EMC2: variants seen among roughly 807,000 people sequenced by gnomAD.
EMC2 encodes TPR repeat protein 35.
Under a neutral mutation model 51.6 loss-of-function variants are expected in EMC2, and 37 were observed. That is an observed-to-expected ratio of 0.72 (90% confidence interval 0.55 to 0.94). The LOEUF is 0.94. Among genes scored for constraint, EMC2 ranks in the 40% least tolerant of loss-of-function variants. The pLI, the probability that EMC2 is intolerant of heterozygous loss-of-function variation, is 0.00. For missense variants in EMC2, 359 were observed against 350.9 expected (o/e 1.02, Z -0.18); for synonymous variants, 131 against 112.4 (o/e 1.17, Z -1.04).
At chr8:108,455,230 G>A (rs140288971) in intron 4 of EMC2, among the ~76,000 whole-genome samples, 1 of 151,862 alleles carries the variant, frequency 6.6e-6, no homozygotes, top group East Asian at 1.9e-4. Context: ...ACACTTCTTG[G>A]ATATTGTGTT....
At chr8:108,461,715 T>C (rs1368101558) in intron 5 of EMC2, among the ~76,000 whole-genome samples, 1 of 152,160 alleles carries the variant, frequency 6.6e-6, no homozygotes, top group Non-Finnish European at 1.5e-5. Context: ...TGAAATACTC[T>C]ATTGAGAAAG....
At chr8:108,446,791 A>C (rs989548290) in intron 1 of EMC2, among the ~76,000 whole-genome samples, 5 of 152,218 alleles carry the variant, frequency 3.3e-5, no homozygotes, top group African/African-American at 1.2e-4. Context: ...AGGCATTTCT[A>C]AAAGTAGTAT....
chr8:108,443,734 A>C, intron 1 of EMC2, 36 bp downstream of exon 1: 1 of 1,571,700 alleles, frequency 6.4e-7, no homozygotes, highest in Non-Finnish European at 8.7e-7. Context: ...GAAAGACTAA[A>C]AGCGCTGGGA....
chr8:108,482,443 G>T (rs531174081), intron 10 of EMC2, among the ~76,000 whole-genome samples: 2 of 151,998 alleles, frequency 1.3e-5, no homozygotes, highest in Non-Finnish European at 2.9e-5. Flanking sequence ...TCAGTCATTT[G>T]TTTGTGTTTT....
Position 108,487,420 on chromosome 8 carries a change from G to A in EMC2, c.*822G>A, listed in dbSNP as rs1031891165. ...TAAAACTATCCTTAGAAACAAAAAT[G>A]TTAAAATTTTCCTATTCTATCATTA... On this transcript the variant is annotated 3_prime_UTR_variant, in exon 11 of 11. Coordinates refer to ENST00000220853, the MANE Select transcript of EMC2 (RefSeq NM_014673.5). Among the ~76,000 whole-genome samples, 33 of 151,888 alleles carry A rather than the reference G, an allele frequency of 2.2e-4. No homozygotes were observed. Among genetic ancestry groups the A allele is most frequent in the African/African-American group, 7.7e-4 (32 of 41,506 alleles).
intron 3 of EMC2, among the ~76,000 whole-genome samples, chr8:108,452,531 C>T (rs1031749472): frequency 6.6e-6 from 1 of 152,016 alleles, no homozygotes; most frequent in African/African-American, 2.4e-5. Context: ...CGTGCCACTG[C>T]ATTCTAACCT....
In EMC2 at chr8:108,486,650, T is replaced by G; in HGVS notation, c.*52T>G. ...TTTCACAACTGCACAATTGAACTTA[T>G]TGGCCTGTAACTTATTTACTAAATG... On this transcript the variant is annotated 3_prime_UTR_variant, in exon 11 of 11. Coordinates refer to ENST00000220853, the MANE Select transcript of EMC2 (RefSeq NM_014673.5). 6.5e-7 allele frequency: 1 copy of G among 1,530,572 alleles called. No individual in the cohort carries two copies. Among genetic ancestry groups the G allele is most frequent in the Non-Finnish European group, 8.8e-7 (1 of 1,135,234 alleles). The allele number at this position is 1,530,572 out of a possible 1,614,324, so 94.8% of individuals were successfully genotyped here.
chr8:108,466,552 A>C (rs1819472724), intron 5 of EMC2, among the ~76,000 whole-genome samples: 1 of 148,632 alleles, frequency 6.7e-6, no homozygotes, highest in Non-Finnish European at 1.5e-5. Flanking sequence ...TCCTGGGCTC[A>C]AGCGATCTCC....
chr8:108,471,531 T>C (rs1473779971), intron 7 of EMC2, among the ~76,000 whole-genome samples: 1 of 151,912 alleles, frequency 6.6e-6, no homozygotes, highest in Non-Finnish European at 1.5e-5. Context: ...TGTTTGGTTT[T>C]TGTCCTTCCT....
rs960520158 is a variant in EMC2 at position 108,487,599 on chromosome 8, G to A, written c.*1001G>A. 2.6e-5 allele frequency among the ~76,000 whole-genome samples: 4 copies of A among 151,794 alleles called. No individual in the cohort carries two copies. Among genetic ancestry groups the A allele is most frequent in the South Asian group, 2.1e-4 (1 of 4,828 alleles). On this transcript the variant is annotated 3_prime_UTR_variant, in exon 11 of 11. Coordinates refer to ENST00000220853, the MANE Select transcript of EMC2 (RefSeq NM_014673.5). ...GTTTTTAAAATAGCAACTGTTCACC[G>A]CAAATATTTATGGTATTTGTTTATA...
At chr8:108,475,149 G>A (rs1012182707) in intron 7 of EMC2, 21 of 151,832 alleles carry the variant, frequency 1.4e-4, no homozygotes, top group African/African-American at 5.1e-4. Context: ...TAGATAGTGA[G>A]GATAGTCACA....
intron 3 of EMC2, among the ~76,000 whole-genome samples, chr8:108,451,701 ATTTTT>A (rs970283256): frequency 6.6e-6 from 1 of 152,052 alleles, no homozygotes; most frequent in African/African-American, 2.4e-5. Flanking sequence ...AGAGGTTTTT[ATTTTT>A]ATTTTTTTTG....
intron 5 of EMC2, among the ~76,000 whole-genome samples, chr8:108,462,400 C>T (rs1297820028): frequency 2.6e-5 from 4 of 151,952 alleles, no homozygotes; most frequent in African/African-American, 9.7e-5. Context: ...TCTTTAAGTC[C>T]CCTTGGTGAA....
intron 5 of EMC2, among the ~76,000 whole-genome samples, chr8:108,462,495 G>A (rs1414333402): frequency 6.6e-6 from 1 of 152,100 alleles, no homozygotes; most frequent in Admixed American, 6.5e-5. Flanking sequence ...AATCTTTAGA[G>A]GTGAAATGTC....
chr8:108,466,442 A>ATTTTTT (rs869102478), intron 5 of EMC2, among the ~76,000 whole-genome samples: 1 of 91,036 alleles, frequency 1.1e-5, no homozygotes, highest in African/African-American at 4.7e-5. Flanking sequence ...CTATGATAGA[A>ATTTTTT]TTTTTTTTTT....
chr8:108,468,624 A>G (rs1036198076), intron 5 of EMC2, among the ~76,000 whole-genome samples: 14 of 151,808 alleles, frequency 9.2e-5, no homozygotes, highest in African/African-American at 3.1e-4. Flanking sequence ...CTCTCTTACC[A>G]CCCCGTAATG....
intron 10 of EMC2, among the ~76,000 whole-genome samples, chr8:108,483,821 AAG>A (rs1427997974): frequency 6.6e-6 from 1 of 152,300 alleles, no homozygotes; most frequent in African/African-American, 2.4e-5. Flanking sequence ...AATAATGTAA[AAG>A]AGTATATAAC....
rs61127876 is a variant in EMC2, at chr8:108,460,389, T to C, written c.363+4459T>C. 5.3e-3 allele frequency among the ~76,000 whole-genome samples: 813 copies of C among 152,300 alleles called. 5 individuals carry two copies. Among genetic ancestry groups the C allele is most frequent in the African/African-American group, 0.018 (758 of 41,584 alleles). On this transcript the variant is annotated intron_variant, in intron 5 of 10. Transcript: ENST00000220853. The stretch of plus-strand genomic sequence containing the variant: ...AGAGAAATCCAAATGGTTCCCCTCA[T>C]AGAATATGTGTGAAGTGGTACAGAT...
chr8:108,460,884 T>A (rs1054827954), intron 5 of EMC2, among the ~76,000 whole-genome samples: 1 of 152,230 alleles, frequency 6.6e-6, no homozygotes, highest in African/African-American at 2.4e-5. Flanking sequence ...TTCAGTCCCT[T>A]CTTTCCTTCT....
Sources: gnomAD v4.1 joint callset for allele counts (sites outside exome capture counted in the v4.1 genomes callset) on GRCh38, gnomAD v4.1.1 for gene constraint, MANE v1.5 for transcripts, NCBI Gene and HGNC (gene_info 2026-07-23, HGNC 2026-07-21) for gene names.